The following SCARA3 variants were observed in gnomAD, a reference collection of about 807,000 sequenced individuals.
SCARA3 encodes cellular stress response gene protein.
A neutral mutation model predicts 47.0 loss-of-function variants in SCARA3; 39 were observed. The observed-to-expected ratio is 0.83, with a 90% CI of 0.64 to 1.08. The LOEUF (loss-of-function observed/expected upper bound fraction) is 1.08. Ranked by LOEUF, SCARA3 falls within the 50% of genes least tolerant of loss-of-function variation. The pLI, the probability that SCARA3 is intolerant of heterozygous loss-of-function variation, is 0.00. For missense variants in SCARA3, 724 were observed against 792.3 expected, an observed-to-expected ratio of 0.91 and a Z score of 1.04; for synonymous variants, 356 against 334.1, an observed-to-expected ratio of 1.07 and a Z score of -0.71.
At chr8:27,637,835 C>A (rs1801288634) in intron 1 of SCARA3, among the ~76,000 whole-genome samples, 1 of 152,080 alleles carries the variant, frequency 6.6e-6, no homozygotes, top group Non-Finnish European at 1.5e-5. Context: ...CACCGCTCCT[C>A]TGGCCGAGAG....
rs761326531 is a variant in SCARA3, at chr8:27,658,846, A to G, written c.676A>G (p.Thr226Ala). 13 of 1,613,964 alleles carry G rather than the reference A, an allele frequency of 8.1e-6. No homozygotes were observed. Among genetic ancestry groups the G allele is most frequent in the Middle Eastern group, 1.6e-4 (1 of 6,084 alleles). Residue 226 changes from threonine (T) to alanine (A), a missense_variant, in exon 5 of 6, where the codon ACC becomes GCC. Thr to Ala is a moderately conservative substitution (Grantham distance 58, BLOSUM62 0). Transcript: ENST00000301904. ...VKAAVHQINF[T>A]VGQTSEWIHG... ...GGCTGCAGTGCACCAGATCAACTTC[A>G]CCGTGGGGCAGACTTCCGAGTGGAT...
chr8:27,708,941 T>G, the SCARA3 span, among the ~76,000 whole-genome samples: 1 of 152,174 alleles, frequency 6.6e-6, no homozygotes, highest in Admixed American at 6.5e-5. Flanking sequence ...ACAGAGTAGC[T>G]TTTTTGGTTT....
At chr8:27,677,099 T>G (rs75320), downstream of SCARA3, among the ~76,000 whole-genome samples, 101,418 of 152,034 alleles carry the variant, frequency 0.67, 34,669 homozygotes, top group Non-Finnish European at 0.75. Context: ...AATAGGCAGT[T>G]TGCGGATCCC....
At chr8:27,724,473 C>T in the SCARA3 span, among the ~76,000 whole-genome samples, 2 of 152,008 alleles carry the variant, frequency 1.3e-5, no homozygotes, top group South Asian at 4.2e-4. Flanking sequence ...ATCAGCCTGG[C>T]CAACATGAAT....
At chr8:27,693,864 A>G in the SCARA3 span, among the ~76,000 whole-genome samples, 1 of 152,192 alleles carries the variant, frequency 6.6e-6, no homozygotes, top group Non-Finnish European at 1.5e-5. Context: ...GTTTAAATCT[A>G]CCTATGACCT....
chr8:27,681,395 T>C (rs774997770), downstream of SCARA3, among the ~76,000 whole-genome samples: 2 of 152,084 alleles, frequency 1.3e-5, no homozygotes, highest in African/African-American at 4.8e-5. Context: ...GAACATAAAA[T>C]ACTTGGTAAC....
chr8:27,660,582 T>C (rs900243060), intron 5 of SCARA3, among the ~76,000 whole-genome samples: 2 of 150,020 alleles, frequency 1.3e-5, no homozygotes, highest in African/African-American at 4.9e-5. Context: ...AGATGATAGA[T>C]AGATCCAGAG....
chr8:27,716,206 G>A, the SCARA3 span, among the ~76,000 whole-genome samples: 2 of 152,170 alleles, frequency 1.3e-5, no homozygotes, highest in Non-Finnish European at 2.9e-5. Context: ...CCAGCTACTT[G>A]GGAGGCTGAG....
the SCARA3 span, among the ~76,000 whole-genome samples, chr8:27,696,542 T>C: frequency 2.0e-5 from 3 of 151,962 alleles, no homozygotes; most frequent in African/African-American, 7.3e-5. Context: ...CTCAAACTTC[T>C]GAGCTCAGGC....
downstream of SCARA3, among the ~76,000 whole-genome samples, chr8:27,678,227 T>C (rs1277258300): frequency 1.3e-5 from 2 of 151,882 alleles, no homozygotes; most frequent in Non-Finnish European, 2.9e-5. Flanking sequence ...TAGAAAAATA[T>C]AGAGAAAAAT....
chr8:27,678,307 A>G (rs919977983), downstream of SCARA3, among the ~76,000 whole-genome samples: 3 of 152,212 alleles, frequency 2.0e-5, no homozygotes, highest in African/African-American at 4.8e-5. Context: ...AATCAGAAAT[A>G]AAAGAGGGAA....
At chr8:27,680,273 A>C (rs1210185396), downstream of SCARA3, among the ~76,000 whole-genome samples, 1 of 152,004 alleles carries the variant, frequency 6.6e-6, no homozygotes, top group Admixed American at 6.5e-5. Context: ...GAAAACCAAC[A>C]TGACCAAAAG....
At chr8:27,704,768 A>G in the SCARA3 span, among the ~76,000 whole-genome samples, 1 of 152,018 alleles carries the variant, frequency 6.6e-6, no homozygotes, top group Non-Finnish European at 1.5e-5. Flanking sequence ...ACACACACAC[A>G]CGCACACACA....
chr8:27,674,209 G>C (rs1024280773), downstream of SCARA3, among the ~76,000 whole-genome samples: 1 of 152,186 alleles, frequency 6.6e-6, no homozygotes, highest in Non-Finnish European at 1.5e-5. Context: ...GGGGTTTAAG[G>C]GGACAGACAG....
chr8:27,646,086 A>G (rs1036340514), intron 1 of SCARA3, among the ~76,000 whole-genome samples: 2 of 152,220 alleles, frequency 1.3e-5, no homozygotes, highest in Non-Finnish European at 2.9e-5. Context: ...GGGTCCCCAC[A>G]GTCCGGGGCT....
intron 3 of SCARA3, 77 bp from the exon 4 acceptor site, chr8:27,656,705 A>G: frequency 1.1e-6 from 1 of 893,026 alleles, no homozygotes. Context: ...GAGCTGATAA[A>G]GATGCCTTCT....
the SCARA3 span, among the ~76,000 whole-genome samples, chr8:27,712,010 C>T: frequency 6.6e-6 from 1 of 152,152 alleles, no homozygotes; most frequent in Non-Finnish European, 1.5e-5. Context: ...TCCACCATTA[C>T]AGTAGGAGAA....
In SCARA3 at chr8:27,651,510, C is replaced by T. The variant is rs757365316; in HGVS notation, c.109C>T (p.Arg37Trp). Residue 37 changes from arginine to tryptophan, a missense_variant and splice_region_variant, in exon 3 of 6, where the codon CGG becomes TGG. Transcript: ENST00000301904. ...MPTFPCTQKG[R>W]PGPRCSRCQK... ...TGTCCTCCTTGTGTCCCCCACAGGC[C>T]GGCCAGGGCCCCGCTGCAGCCGCTG... is the stretch of plus-strand genomic sequence containing the variant. 1.2e-5 allele frequency: 20 copies of T among 1,611,634 alleles called. No individual in the cohort carries two copies. The highest frequency in any genetic ancestry group is 1.1e-4 in the African/African-American group (8 of 74,922).
intron 1 of SCARA3, among the ~76,000 whole-genome samples, chr8:27,640,369 A>G (rs1042335023): frequency 6.6e-6 from 1 of 152,086 alleles, no homozygotes; most frequent in Non-Finnish European, 1.5e-5. Context: ...AGATTACACT[A>G]TCCATGTTAT....
Sources: gnomAD v4.1 joint callset for allele counts (sites outside exome capture counted in the v4.1 genomes callset) on GRCh38, gnomAD v4.1.1 for gene constraint, MANE v1.5 for transcripts, NCBI Gene and HGNC (gene_info 2026-07-23, HGNC 2026-07-21) for gene names.